Variants in PPP1R12B observed in about 807,000 individuals in gnomAD.
The protein encoded by PPP1R12B is myosin phosphatase target subunit 2.
A neutral mutation model predicts 126.1 loss-of-function variants in PPP1R12B; 76 were observed. That is an observed-to-expected ratio of 0.60 (90% CI 0.50 to 0.73). The LOEUF is 0.73. Ranked by LOEUF, PPP1R12B falls within the 30% of genes least tolerant of loss-of-function variation. The pLI is 0.00. For missense variants in PPP1R12B, 1,052 were observed against 1,205.1 expected (o/e 0.87, Z 1.88); for synonymous variants, 356 against 434.7 (o/e 0.82, Z 2.25).
At chr1:202,473,179 G>A (rs1353783181) in intron 13 of PPP1R12B, among the ~76,000 whole-genome samples, 2 of 152,124 alleles carry the variant, frequency 1.3e-5, no homozygotes, top group East Asian at 1.9e-4. Flanking sequence ...AATTAGAGAG[G>A]CCAAAAATGA....
chr1:202,389,632 CATATG>C (rs1663773148), intron 1 of PPP1R12B, among the ~76,000 whole-genome samples: 1 of 148,642 alleles, frequency 6.7e-6, no homozygotes, highest in African/African-American at 2.5e-5. Context: ...AAGTAATAAA[CATATG>C]AGATAATATC....
chr1:202,498,668 A>G (rs1418936201), intron 18 of PPP1R12B, among the ~76,000 whole-genome samples: 3 of 152,104 alleles, frequency 2.0e-5, no homozygotes, highest in African/African-American at 7.2e-5. Flanking sequence ...AAATTCCTAC[A>G]TTTCTATTTC....
At chr1:202,516,201 A>G (rs558194062) in intron 18 of PPP1R12B, among the ~76,000 whole-genome samples, 2 of 152,342 alleles carry the variant, frequency 1.3e-5, no homozygotes, top group African/African-American at 4.8e-5. Context: ...TAATGATAAC[A>G]ATAGTGGTAG....
chr1:202,381,733 T>C (rs1352399606), intron 1 of PPP1R12B, among the ~76,000 whole-genome samples: 2 of 152,218 alleles, frequency 1.3e-5, no homozygotes, highest in African/African-American at 4.8e-5. Context: ...CTTTATGGTA[T>C]CTGTTAATAC....
intron 13 of PPP1R12B, among the ~76,000 whole-genome samples, chr1:202,468,789 A>G (rs1317700547): frequency 6.6e-6 from 1 of 152,130 alleles, no homozygotes; most frequent in Non-Finnish European, 1.5e-5. Context: ...TCCTGTCTCT[A>G]CTAAAATACA....
rs548876766 is a variant in PPP1R12B at position 202,400,707 on chromosome 1, G to T, written c.292-16080G>T. 3.5e-4 allele frequency among the ~76,000 whole-genome samples: 54 copies of T among 152,280 alleles called. 1 individual carries two copies. In the Middle Eastern group the frequency reaches 0.01, roughly 29 times the overall value. On this transcript the variant is annotated intron_variant, in intron 1 of 23. Transcript: ENST00000608999. ...AGTTGTGCCAGACACTGTTCCAACT[G>T]CTGTGTCCATATAAAGATATGTAAT...
rs951171198 is a variant in PPP1R12B at position 202,581,619 on chromosome 1, G to A, written c.*1059G>A. On this transcript the variant is annotated 3_prime_UTR_variant, in exon 24 of 24. Transcript: ENST00000608999. ...GTCAGTGCAAGGAGGAATGAGAGGT[G>A]GGGAGGGGAGATTGTTGAGAGATGG... 1.3e-5 allele frequency: 2 copies of A among 152,208 alleles called. No homozygotes were observed. The highest frequency in any genetic ancestry group is 2.4e-5 in the African/African-American group (1 of 41,434). 9.4% of individuals were successfully genotyped at this position (152,208 alleles called of 1,614,324 possible). A position where few individuals can be genotyped will look rare whatever the true frequency, so the allele number is the denominator to read the frequency against.
intron 13 of PPP1R12B, chr1:202,472,117 T>A: frequency 6.7e-7 from 1 of 1,499,246 alleles, no homozygotes; most frequent in Non-Finnish European, 9.1e-7. Context: ...GTGAGAGGCA[T>A]GTTCTCATGT....
rs1268247040 is a variant in PPP1R12B at position 202,372,807 on chromosome 1, G to A, written c.291+23665G>A. 2.0e-5 allele frequency among the ~76,000 whole-genome samples: 3 copies of A among 151,932 alleles called. No individual in the cohort carries two copies. The East Asian group carries it at 5.8e-4, about 29-fold the overall frequency. On this transcript the variant is annotated intron_variant, in intron 1 of 23. Transcript: ENST00000608999. ...AAAAATAAAAAAGTAAAAAATAAAAGAAAAAAGAAAAGCAGTTTTTAAAAA... is the reference window on the plus strand; with the variant it reads ...AAAAATAAAAAAGTAAAAAATAAAAAAAAAAAGAAAAGCAGTTTTTAAAAA...
At chr1:202,368,972 C>T (rs1457845808) in intron 1 of PPP1R12B, among the ~76,000 whole-genome samples, 1 of 152,088 alleles carries the variant, frequency 6.6e-6, no homozygotes, top group Non-Finnish European at 1.5e-5. Context: ...CCACTTCAGC[C>T]CCAAAAAAGT....
chr1:202,445,278 C>G, intron 12 of PPP1R12B: 1 of 1,199,526 alleles, frequency 8.3e-7, no homozygotes, highest in African/African-American at 1.6e-5. Flanking sequence ...GTTAATGGCT[C>G]TGAAAACACA....
At chr1:202,499,244 A>G (rs1679926197) in intron 18 of PPP1R12B, among the ~76,000 whole-genome samples, 1 of 152,142 alleles carries the variant, frequency 6.6e-6, no homozygotes, top group Non-Finnish European at 1.5e-5. Flanking sequence ...GATAGAAATC[A>G]ACCAGCAGTA....
At chr1:202,371,227 C>G (rs1469352581) in intron 1 of PPP1R12B, among the ~76,000 whole-genome samples, 1 of 140,982 alleles carries the variant, frequency 7.1e-6, no homozygotes, top group Non-Finnish European at 1.5e-5. Flanking sequence ...TGCTATGTTG[C>G]TCAGGCTGGT....
At chr1:202,377,921 G>C (rs1661510494) in intron 1 of PPP1R12B, among the ~76,000 whole-genome samples, 1 of 141,910 alleles carries the variant, frequency 7.0e-6, no homozygotes, top group Non-Finnish European at 1.5e-5. Context: ...CTCACTGCAG[G>C]CTCCGCCCCC....
chr1:202,451,820 G>A lies in PPP1R12B; in HGVS notation c.1850+2649G>A, dbSNP rs1215357877. Among the ~76,000 whole-genome samples the A allele has an allele frequency of 5.9e-5, 9 of 151,366 alleles. No homozygotes were observed. In the East Asian group the frequency reaches 1.2e-3, roughly 20 times the overall value. ...GGGGCTGACCCCCCACCTCCCTCCC[G>A]GACGGGGCAGCTGGCCTGGTGGGGG... On this transcript the variant is annotated intron_variant, in intron 13 of 23. Coordinates refer to ENST00000608999, the MANE Select transcript of PPP1R12B (RefSeq NM_002481.4).
chr1:202,475,997 C>T (rs955592390), intron 13 of PPP1R12B, among the ~76,000 whole-genome samples: 4 of 151,944 alleles, frequency 2.6e-5, no homozygotes, highest in African/African-American at 9.7e-5. Context: ...GTTAGGAGTT[C>T]GAGACCAGTC....
At chr1:202,447,763 A>G (rs2696955) in intron 12 of PPP1R12B, among the ~76,000 whole-genome samples, 4,739 of 152,312 alleles carry the variant, frequency 0.031, 203 homozygotes, top group African/African-American at 0.098. Context: ...AACTTCAGGT[A>G]AGGTTTGGTT....
At chr1:202,486,087 G>T (rs1278513074) in intron 13 of PPP1R12B, among the ~76,000 whole-genome samples, 1 of 152,108 alleles carries the variant, frequency 6.6e-6, no homozygotes, top group Non-Finnish European at 1.5e-5. Flanking sequence ...TTGCCATGTT[G>T]CCCAGGCTAG....
intron 13 of PPP1R12B, among the ~76,000 whole-genome samples, chr1:202,462,146 T>C (rs1475051842): frequency 6.6e-6 from 1 of 152,190 alleles, no homozygotes; most frequent in Admixed American, 6.5e-5. Flanking sequence ...CTTTAAATGG[T>C]ACACCTAATG....
Sources: allele counts gnomAD v4.1 joint callset (sites outside exome capture counted in the v4.1 genomes callset), GRCh38; gene constraint gnomAD v4.1.1; transcripts MANE v1.5; gene names NCBI Gene and HGNC (gene_info 2026-07-23, HGNC 2026-07-21).